Variants in SOAT1 observed in about 807,000 individuals in gnomAD.
The protein encoded by SOAT1 is acyl-coenzyme A:cholesterol acyltransferase 1.
A neutral mutation model predicts 69.5 loss-of-function variants in SOAT1; 55 were observed. The observed-to-expected ratio is 0.79, with a 90% CI of 0.64 to 0.99. The LOEUF (loss-of-function observed/expected upper bound fraction) is 0.99, where lower values mean the gene tolerates loss of function less well. Among genes scored for constraint, SOAT1 ranks in the 50% least tolerant of loss-of-function variants. SOAT1 has a pLI of 0.00. For missense variants in SOAT1, 580 were observed against 669.3 expected (o/e 0.87, Z 1.47); for synonymous variants, 231 against 224.7 (o/e 1.03, Z -0.25).
At chr1:179,314,118 T>G (rs951198610) in intron 2 of SOAT1, among the ~76,000 whole-genome samples, 13 of 152,182 alleles carry the variant, frequency 8.5e-5, no homozygotes, top group African/African-American at 2.9e-4. Flanking sequence ...CCATAATTTT[T>G]CTTTATTATT....
Position 179,345,052 on chromosome 1 carries a change from T to G in SOAT1, c.1093T>G (p.Cys365Gly), listed in dbSNP as rs778233269. ...EPFSARVLVL[C>G]VFNSILPGVL... ...CTTCAGCGCTCGTGTTCTGGTCCTA[T>G]GTGTATTTAACTCCATCTTGCCAGG... The change falls in exon 11 of 16, where the codon TGT (cysteine) becomes GGT (glycine). Residue 365 changes from cysteine (C) to glycine (G), a missense_variant. Physicochemically the swap from Cys to Gly is radical, Grantham distance 159. Transcript: ENST00000367619. 3 of 1,614,174 alleles carry G rather than the reference T, an allele frequency of 1.9e-6. No individual in the cohort carries two copies. The highest frequency in any genetic ancestry group is 1.3e-5 in the African/African-American group (1 of 75,078).
intron 3 of SOAT1, among the ~76,000 whole-genome samples, chr1:179,325,697 G>A (rs755143720): frequency 6.6e-6 from 1 of 152,224 alleles, no homozygotes; most frequent in East Asian, 1.9e-4. Flanking sequence ...AAAGTGGGAG[G>A]AGAACCTTTC....
At chr1:179,296,529 T>G (rs1664651811) in intron 1 of SOAT1, among the ~76,000 whole-genome samples, 1 of 152,236 alleles carries the variant, frequency 6.6e-6, no homozygotes, top group Admixed American at 6.5e-5. Context: ...GAGATTATAC[T>G]AACCATACAG....
intron 2 of SOAT1, among the ~76,000 whole-genome samples, chr1:179,306,033 G>C (rs866984897): frequency 4.6e-5 from 7 of 152,312 alleles, no homozygotes; most frequent in African/African-American, 9.6e-5. Flanking sequence ...GACTGGGAGA[G>C]GGCTTTCAAT....
At chr1:179,310,306 A>G (rs957543674) in intron 2 of SOAT1, among the ~76,000 whole-genome samples, 2 of 148,856 alleles carry the variant, frequency 1.3e-5, no homozygotes, top group East Asian at 3.9e-4. Context: ...ATATTGAAAT[A>G]TTTGATCCAT....
At chr1:179,323,049 T>C (rs1442097807) in intron 2 of SOAT1, among the ~76,000 whole-genome samples, 10 of 149,868 alleles carry the variant, frequency 6.7e-5, no homozygotes, top group Admixed American at 4.6e-4. Flanking sequence ...TTCTTTCTTT[T>C]TTTTTTTTTT....
chr1:179,321,869 T>C (rs1295279410), intron 2 of SOAT1, among the ~76,000 whole-genome samples: 1 of 152,040 alleles, frequency 6.6e-6, no homozygotes, highest in African/African-American at 2.4e-5. Context: ...TTGCTTATGT[T>C]TTCCTTCTTT....
At position 179,335,573 on chromosome 1, in the gene SOAT1, A is replaced by C. The variant is rs368639297; in HGVS notation, c.245A>C (p.Glu82Ala). 1.9e-5 allele frequency: 30 copies of C among 1,613,760 alleles called. No individual in the cohort carries two copies. The highest frequency in any genetic ancestry group is 2.5e-5 in the Non-Finnish European group (30 of 1,179,802). Residue 82 changes from glutamate (E) to alanine (A), a missense_variant, in exon 4 of 16, where the codon GAA becomes GCA. Coordinates refer to ENST00000367619, the MANE Select transcript of SOAT1 (RefSeq NM_003101.6). ...HFDDFVTNLI[E>A]KSASLDNGGC... ...GATGATTTTGTGACCAATCTCATTGAAAAGTCAGCATCATTAGATAATGGT... is the reference window on the plus strand; with the variant it reads ...GATGATTTTGTGACCAATCTCATTGCAAAGTCAGCATCATTAGATAATGGT...
chr1:179,331,733 G>A (rs1210110079), intron 3 of SOAT1, among the ~76,000 whole-genome samples: 1 of 152,174 alleles, frequency 6.6e-6, no homozygotes, highest in Non-Finnish European at 1.5e-5. Flanking sequence ...AGAGAGAATA[G>A]AAAGAACTTT....
intron 2 of SOAT1, among the ~76,000 whole-genome samples, chr1:179,322,187 C>G (rs563093677): frequency 6.6e-6 from 1 of 152,174 alleles, no homozygotes; most frequent in South Asian, 2.1e-4. Flanking sequence ...CCCAGCCTTC[C>G]TTTTCTATGT....
intron 3 of SOAT1, among the ~76,000 whole-genome samples, chr1:179,334,651 TA>T (rs1275330245): frequency 1.3e-5 from 2 of 152,146 alleles, no homozygotes; most frequent in Non-Finnish European, 1.5e-5. Context: ...ATAGTTACCT[TA>T]TAAGTGACAT....
Position 179,340,905 on chromosome 1 carries a change from C to T in SOAT1, c.498-123C>T, listed in dbSNP as rs972587783. 33 of 769,518 alleles carry T rather than the reference C, an allele frequency of 4.3e-5. No homozygotes were observed. In the Admixed American group the frequency reaches 4.9e-4, roughly 11 times the overall value. 47.7% of individuals were successfully genotyped at this position (769,518 alleles called of 1,614,324 possible). A position where few individuals can be genotyped will look rare whatever the true frequency, so the allele number is the denominator to read the frequency against. On this transcript the variant is annotated intron_variant, in intron 6 of 15. Coordinates refer to ENST00000367619, the MANE Select transcript of SOAT1 (RefSeq NM_003101.6). ...AGAACTATTACATCCATGACTTCAGCGTATTAACGTTGTGGTGTTTCCTAA... is the reference window on the plus strand; with the variant it reads ...AGAACTATTACATCCATGACTTCAGTGTATTAACGTTGTGGTGTTTCCTAA...
chr1:179,330,875 G>C (rs1277549533), intron 3 of SOAT1, among the ~76,000 whole-genome samples: 1 of 152,166 alleles, frequency 6.6e-6, no homozygotes, highest in African/African-American at 2.4e-5. Context: ...ATTTTCTGTG[G>C]ACTTTGACAA....
chr1:179,314,405 C>T (rs1317349785), intron 2 of SOAT1, among the ~76,000 whole-genome samples: 1 of 151,990 alleles, frequency 6.6e-6, no homozygotes, highest in Non-Finnish European at 1.5e-5. Context: ...TAGAAGTGTA[C>T]GATTGTTAGG....
chr1:179,311,574 GT>G (rs201898279), intron 2 of SOAT1, among the ~76,000 whole-genome samples: 1 of 130,910 alleles, frequency 7.6e-6, no homozygotes, highest in Non-Finnish European at 1.6e-5. Context: ...CAAAAGGACT[GT>G]TTTTAAAAAA....
intron 2 of SOAT1, among the ~76,000 whole-genome samples, chr1:179,308,758 C>T (rs1302743102): frequency 6.6e-6 from 1 of 151,028 alleles, no homozygotes; most frequent in East Asian, 2.0e-4. Flanking sequence ...AATATATACT[C>T]ATTGAAAAAA....
At chr1:179,297,448 G>T (rs1664687737) in intron 1 of SOAT1, among the ~76,000 whole-genome samples, 1 of 151,954 alleles carries the variant, frequency 6.6e-6, no homozygotes, top group Non-Finnish European at 1.5e-5. Context: ...GCAATTCTCT[G>T]CTTCGGCCTC....
At chr1:179,309,139 A>G (rs1665131842) in intron 2 of SOAT1, among the ~76,000 whole-genome samples, 2 of 152,166 alleles carry the variant, frequency 1.3e-5, no homozygotes, top group Admixed American at 1.3e-4. Context: ...GTTGGAGTGC[A>G]GTGGTGCGAT....
rs186083209 is a variant in SOAT1, at chr1:179,313,031, G to A, written c.118+10229G>A. ...TTCTCGCAAAGGCAGTGACATGCAT[G>A]TCCTTATTTGGGAAGCAACCGGCAG... On this transcript the variant is annotated intron_variant, in intron 2 of 15. Transcript: ENST00000367619. 2.0e-3 allele frequency among the ~76,000 whole-genome samples: 301 copies of A among 152,308 alleles called. 2 individuals carry two copies. The highest frequency in any genetic ancestry group is 7.0e-3 in the African/African-American group (293 of 41,568).
Sources: allele counts gnomAD v4.1 joint callset (sites outside exome capture counted in the v4.1 genomes callset), GRCh38; gene constraint gnomAD v4.1.1; transcripts MANE v1.5; gene names NCBI Gene and HGNC (gene_info 2026-07-23, HGNC 2026-07-21).